FGGY: variants seen among roughly 807,000 people sequenced by gnomAD.
FGGY encodes FGGY carbohydrate kinase domain containing, also known as FGGY carbohydrate kinase domain-containing protein.
A neutral mutation model predicts 71.3 loss-of-function variants in FGGY; 72 were observed. The observed-to-expected ratio is 1.01, with a 90% CI of 0.84 to 1.23. The LOEUF is 1.23. Ranked by LOEUF, FGGY falls within the 50% of genes most tolerant of loss-of-function variation. FGGY has a pLI of 0.00. For synonymous variants in FGGY, 251 were observed against 250.3 expected, an observed-to-expected ratio of 1.00 and a Z score of -0.02; for missense variants, 668 against 682.3, an observed-to-expected ratio of 0.98 and a Z score of 0.23.
intron 14 of FGGY, among the ~76,000 whole-genome samples, chr1:59,693,295 T>G (rs2097611619): frequency 6.6e-6 from 1 of 152,212 alleles, no homozygotes. Flanking sequence ...TCAGCCTCAG[T>G]TTTCTATCAG....
chr1:59,749,467 G>A (rs561548643), intron 14 of FGGY, among the ~76,000 whole-genome samples: 5 of 152,256 alleles, frequency 3.3e-5, no homozygotes, highest in African/African-American at 9.6e-5. Context: ...CATGCAATTG[G>A]TGGCAGGAGA....
rs565614673 is a variant in FGGY at position 59,586,745 on chromosome 1, G to A, written c.904-21058G>A. ...GTGGTAGAGAGGGGGATTTGGGGAA[G>A]AGTAGATAGACAGAATGAGGTGACA... On this transcript the variant is annotated intron_variant, in intron 8 of 15. Coordinates refer to ENST00000303721, the MANE Select transcript of FGGY (RefSeq NM_018291.5). Among the ~76,000 whole-genome samples the A allele has an allele frequency of 7.6e-4, 116 of 152,244 alleles. 1 individual carries two copies. Among genetic ancestry groups the A allele is most frequent in the Admixed American group, 5.9e-4 (9 of 15,284 alleles).
At chr1:59,725,843 G>A (rs2097941256) in intron 14 of FGGY, among the ~76,000 whole-genome samples, 1 of 152,078 alleles carries the variant, frequency 6.6e-6, no homozygotes, top group Non-Finnish European at 1.5e-5. Context: ...TTTCCACATA[G>A]ACATTCATGT....
chr1:59,521,920 CTT>C (rs1388202165), intron 7 of FGGY, among the ~76,000 whole-genome samples: 1 of 152,216 alleles, frequency 6.6e-6, no homozygotes, highest in African/African-American at 2.4e-5. Flanking sequence ...GAGTAAATCT[CTT>C]TGTTTTGTTG....
chr1:59,510,013 C>T (rs563668167), intron 6 of FGGY, among the ~76,000 whole-genome samples: 36 of 150,746 alleles, frequency 2.4e-4, no homozygotes, highest in Admixed American at 1.4e-3. Flanking sequence ...GATTTCTAAA[C>T]GGTGCTCCTT....
At chr1:59,479,068 C>T (rs1263174349) in intron 6 of FGGY, among the ~76,000 whole-genome samples, 2 of 152,206 alleles carry the variant, frequency 1.3e-5, no homozygotes, top group African/African-American at 4.8e-5. Context: ...TTAATGTGGA[C>T]TGTTACATTA....
At chr1:59,584,655 G>A (rs2153762645) in intron 8 of FGGY, among the ~76,000 whole-genome samples, 1 of 149,978 alleles carries the variant, frequency 6.7e-6, no homozygotes, top group African/African-American at 2.5e-5. Context: ...ACGTAGTGTT[G>A]GAAGTTCTGG....
intron 6 of FGGY, among the ~76,000 whole-genome samples, chr1:59,462,150 G>A (rs1212540274): frequency 5.3e-5 from 8 of 152,126 alleles, no homozygotes; most frequent in East Asian, 3.9e-4. Context: ...CAGAAATAAC[G>A]CCGCATATCT....
intron 5 of FGGY, among the ~76,000 whole-genome samples, chr1:59,395,076 C>T (rs1056795786): frequency 6.6e-6 from 1 of 152,028 alleles, no homozygotes; most frequent in Non-Finnish European, 1.5e-5. Flanking sequence ...TGGGCAGTTA[C>T]ACACTACTGT....
At chr1:59,534,622 C>G (rs1351006750) in intron 7 of FGGY, among the ~76,000 whole-genome samples, 2 of 152,184 alleles carry the variant, frequency 1.3e-5, no homozygotes, top group South Asian at 4.1e-4. Context: ...ATCAGACTAA[C>G]AGCGGATCTC....
At chr1:59,725,050 A>G (rs920993554) in intron 14 of FGGY, among the ~76,000 whole-genome samples, 2 of 152,154 alleles carry the variant, frequency 1.3e-5, no homozygotes, top group Admixed American at 6.5e-5. Flanking sequence ...AAGGTCACCT[A>G]AATTTTTTCC....
intron 7 of FGGY, among the ~76,000 whole-genome samples, chr1:59,550,246 T>G (rs2095587637): frequency 6.6e-6 from 1 of 152,212 alleles, no homozygotes; most frequent in Non-Finnish European, 1.5e-5. Flanking sequence ...GATGTACACA[T>G]GCAGCCTGTG....
chr1:59,506,849 A>T (rs1448268275), intron 6 of FGGY, among the ~76,000 whole-genome samples: 1 of 152,204 alleles, frequency 6.6e-6, no homozygotes, highest in Admixed American at 6.5e-5. Flanking sequence ...TAGAGAAAAA[A>T]GAAAAAAAGG....
At chr1:59,461,278 A>G (rs2092187718) in intron 6 of FGGY, among the ~76,000 whole-genome samples, 1 of 152,228 alleles carries the variant, frequency 6.6e-6, no homozygotes, top group African/African-American at 2.4e-5. Context: ...ACACATGCGC[A>G]AGCTTCAATA....
chr1:59,687,832 A>G (rs2097557468), intron 14 of FGGY, among the ~76,000 whole-genome samples: 2 of 152,026 alleles, frequency 1.3e-5, no homozygotes, highest in South Asian at 4.1e-4. Flanking sequence ...TGGGCTACCT[A>G]GCTAACTTGA....
At chr1:59,722,281 G>A (rs1010292494) in intron 14 of FGGY, among the ~76,000 whole-genome samples, 13 of 151,698 alleles carry the variant, frequency 8.6e-5, no homozygotes, top group African/African-American at 2.9e-4. Context: ...GTAACTTATC[G>A]CTATTGATGT....
At chr1:59,574,377 G>A (rs1310216943) in intron 8 of FGGY, among the ~76,000 whole-genome samples, 1 of 152,054 alleles carries the variant, frequency 6.6e-6, no homozygotes, top group East Asian at 1.9e-4. Flanking sequence ...TTGCATTTAG[G>A]CCAACTCAAA....
intron 7 of FGGY, among the ~76,000 whole-genome samples, chr1:59,527,853 G>C (rs1334694610): frequency 6.6e-6 from 1 of 152,132 alleles, no homozygotes; most frequent in African/African-American, 2.4e-5. Context: ...CAAATAAAAA[G>C]ATTATTTCAA....
chr1:59,640,061 C>T (rs902573814), intron 11 of FGGY, among the ~76,000 whole-genome samples: 5 of 152,116 alleles, frequency 3.3e-5, no homozygotes, highest in African/African-American at 1.2e-4. Flanking sequence ...GACATATGCC[C>T]AGTTGTATCT....
Sources: allele counts gnomAD v4.1 joint callset (sites outside exome capture counted in the v4.1 genomes callset), GRCh38; gene constraint gnomAD v4.1.1; transcripts MANE v1.5; gene names NCBI Gene and HGNC (gene_info 2026-07-23, HGNC 2026-07-21).